Variants in TRAF3 observed in about 807,000 individuals in gnomAD.
The protein encoded by TRAF3 is TNF receptor-associated factor 3.
A neutral mutation model predicts 62.3 loss-of-function variants in TRAF3; 13 were observed. The observed-to-expected ratio is 0.21, with a 90% CI of 0.14 to 0.33. The LOEUF is 0.33. Ranked by LOEUF, TRAF3 falls within the 10% of genes least tolerant of loss-of-function variation. TRAF3 has a pLI of 1.00. For synonymous variants in TRAF3, 269 were observed against 283.4 expected, an observed-to-expected ratio of 0.95 and a Z score of 0.51; for missense variants, 440 against 741.8, an observed-to-expected ratio of 0.59 and a Z score of 4.73.
At chr14:102,808,735 C>T (rs1222341446) in intron 1 of TRAF3, among the ~76,000 whole-genome samples, 2 of 152,020 alleles carry the variant, frequency 1.3e-5, no homozygotes, top group Non-Finnish European at 2.9e-5. Context: ...GAAAATATGT[C>T]CTCTGAGTCG....
intron 2 of TRAF3, among the ~76,000 whole-genome samples, chr14:102,848,942 GTGT>G (rs768285694): frequency 2.6e-4 from 39 of 152,250 alleles, no homozygotes; most frequent in South Asian, 6.2e-4. Context: ...GTGAGATCCA[GTGT>G]TGTTGTTGTT....
intron 1 of TRAF3, among the ~76,000 whole-genome samples, chr14:102,803,968 C>T (rs929618905): frequency 6.6e-5 from 10 of 152,178 alleles, no homozygotes; most frequent in East Asian, 1.9e-4. Context: ...GAGGCTCAGG[C>T]CGGAGGGTCG....
intron 1 of TRAF3, among the ~76,000 whole-genome samples, chr14:102,791,428 G>GTGCT (rs1483327840): frequency 5.9e-5 from 9 of 152,062 alleles, no homozygotes; most frequent in African/African-American, 1.9e-4. Context: ...TTATTTCTGG[G>GTGCT]TGCTTTATTT....
At chr14:102,847,385 G>A (rs186148819) in intron 2 of TRAF3, among the ~76,000 whole-genome samples, 2 of 152,192 alleles carry the variant, frequency 1.3e-5, no homozygotes, top group African/African-American at 4.8e-5. Flanking sequence ...ATATTGGCCC[G>A]GCTGGTCTCG....
chr14:102,877,026 T>G (rs1457668004), intron 6 of TRAF3, among the ~76,000 whole-genome samples: 1 of 139,156 alleles, frequency 7.2e-6, no homozygotes, highest in African/African-American at 2.8e-5. Context: ...TTCCACTCAA[T>G]TCATAGATAA....
intron 6 of TRAF3, among the ~76,000 whole-genome samples, chr14:102,877,756 C>T (rs1888793728): frequency 1.3e-5 from 2 of 151,794 alleles, no homozygotes; most frequent in Non-Finnish European, 2.9e-5. Context: ...ATAATCCATT[C>T]CACAGGCCTT....
chr14:102,840,309 G>GCTGTATTACCATA (rs1206856095), intron 2 of TRAF3, among the ~76,000 whole-genome samples: 1 of 152,172 alleles, frequency 6.6e-6, no homozygotes, highest in Non-Finnish European at 1.5e-5. Flanking sequence ...TACAGCTATG[G>GCTGTATTACCATA]TAATACAGAT....
At chr14:102,819,027 C>T (rs1483495991) in intron 1 of TRAF3, among the ~76,000 whole-genome samples, 1 of 151,530 alleles carries the variant, frequency 6.6e-6, no homozygotes, top group African/African-American at 2.4e-5. Flanking sequence ...TGCACTCCAG[C>T]CTGGGTGACG....
intron 1 of TRAF3, among the ~76,000 whole-genome samples, chr14:102,806,464 C>A (rs1364680969): frequency 1.3e-5 from 2 of 152,098 alleles, no homozygotes; most frequent in South Asian, 4.1e-4. Context: ...TGAGTAGATA[C>A]CATTAGAAAA....
intron 1 of TRAF3, among the ~76,000 whole-genome samples, chr14:102,798,380 C>T (rs1241296611): frequency 6.6e-6 from 1 of 152,146 alleles, no homozygotes; most frequent in Admixed American, 6.6e-5. Context: ...TAGCTCACAC[C>T]TGCAATCCCA....
intron 1 of TRAF3, among the ~76,000 whole-genome samples, chr14:102,795,594 A>ATGTGTGTGTGTG (rs1249954107): frequency 7.6e-4 from 96 of 126,630 alleles, no homozygotes; most frequent in East Asian, 1.9e-3. Context: ...CATGATATGT[A>ATGTGTGTGTGTG]TATATGTGTG....
chr14:102,853,531 T>G (rs1344377984), intron 2 of TRAF3, among the ~76,000 whole-genome samples: 1 of 152,042 alleles, frequency 6.6e-6, no homozygotes, highest in East Asian at 1.9e-4. Flanking sequence ...CTCAGTGGCT[T>G]TGTGTATATT....
chr14:102,887,655 C>T (rs555318209), intron 7 of TRAF3, among the ~76,000 whole-genome samples: 14 of 151,562 alleles, frequency 9.2e-5, no homozygotes, highest in East Asian at 1.9e-4. Flanking sequence ...AGTGCAGTGG[C>T]GTGATCTCGG....
chr14:102,847,200 T>A (rs1437685901), intron 2 of TRAF3, among the ~76,000 whole-genome samples: 1 of 152,216 alleles, frequency 6.6e-6, no homozygotes, highest in Non-Finnish European at 1.5e-5. Flanking sequence ...AGATGGAGTC[T>A]CGCTCTGTCG....
At chr14:102,879,308 G>C (rs2139877799) in intron 6 of TRAF3, among the ~76,000 whole-genome samples, 1 of 152,244 alleles carries the variant, frequency 6.6e-6, no homozygotes, top group Non-Finnish European at 1.5e-5. Flanking sequence ...GTCTCACTCT[G>C]TCATCCAGGC....
chr14:102,901,026 G>A (rs1034797565), intron 10 of TRAF3, among the ~76,000 whole-genome samples: 5 of 152,354 alleles, frequency 3.3e-5, no homozygotes, highest in African/African-American at 1.2e-4. Context: ...TTGAAATGGT[G>A]CCATTGATAC....
chr14:102,900,203 A>AAG (rs775030784), intron 10 of TRAF3, among the ~76,000 whole-genome samples: 5 of 143,872 alleles, frequency 3.5e-5, no homozygotes, highest in Non-Finnish European at 3.0e-5. Flanking sequence ...AAAAAAAAAA[A>AAG]GACAGCCTAG....
chr14:102,852,919 A>T (rs1887132788), intron 2 of TRAF3, among the ~76,000 whole-genome samples: 1 of 151,696 alleles, frequency 6.6e-6, no homozygotes, highest in African/African-American at 2.4e-5. Flanking sequence ...TTTGAGACAG[A>T]GTCTCACTCT....
At chr14:102,871,160 G>A (rs1409416899) in intron 3 of TRAF3, among the ~76,000 whole-genome samples, 1 of 152,234 alleles carries the variant, frequency 6.6e-6, no homozygotes, top group East Asian at 1.9e-4. Flanking sequence ...TCCTCCCACA[G>A]CACTCAAGCC....
Sources: allele counts gnomAD v4.1 joint callset (sites outside exome capture counted in the v4.1 genomes callset), GRCh38; gene constraint gnomAD v4.1.1; transcripts MANE v1.5; gene names NCBI Gene and HGNC (gene_info 2026-07-23, HGNC 2026-07-21).